The following NPSR1 variants were observed in gnomAD, a reference collection of about 807,000 sequenced individuals.
The protein encoded by NPSR1 is neuropeptide S receptor 1.
In NPSR1, 48 loss-of-function variants were observed where a neutral mutation model predicts 46.9. The observed-to-expected ratio is 1.02, with a 90% CI of 0.81 to 1.30. The LOEUF is 1.30. Ranked by LOEUF, NPSR1 falls within the 50% of genes most tolerant of loss-of-function variation. NPSR1 has a pLI of 0.00. For synonymous variants in NPSR1, 176 were observed against 168.1 expected, an observed-to-expected ratio of 1.05 and a Z score of -0.36; for missense variants, 450 against 449.5, an observed-to-expected ratio of 1.00 and a Z score of -0.01.
intron 2 of NPSR1, among the ~76,000 whole-genome samples, chr7:34,715,164 G>A (rs924727042): frequency 6.6e-5 from 10 of 152,120 alleles, no homozygotes; most frequent in Non-Finnish European, 1.0e-4. Flanking sequence ...GAGATATGAC[G>A]GCCTCATAAT....
intron 2 of NPSR1, among the ~76,000 whole-genome samples, chr7:34,749,848 A>AT (rs1472383576): frequency 1.3e-5 from 2 of 152,224 alleles, no homozygotes; most frequent in Non-Finnish European, 2.9e-5. Context: ...ACTTAATTAA[A>AT]TCTTTTAAGA....
chr7:34,778,623 T>A (rs1787089768), intron 3 of NPSR1, 58 bp downstream of exon 3: 2 of 1,103,980 alleles, frequency 1.8e-6, no homozygotes, highest in Non-Finnish European at 2.8e-6. Flanking sequence ...AGCTTTTAGA[T>A]TTATCTAAGG....
chr7:34,659,968 C>CT (rs1233548433), intron 1 of NPSR1, among the ~76,000 whole-genome samples: 1 of 152,136 alleles, frequency 6.6e-6, no homozygotes, highest in African/African-American at 2.4e-5. Flanking sequence ...ATAAAATCAG[C>CT]AATAAGGTGG....
At chr7:34,796,426 C>A (rs1278024744) in intron 3 of NPSR1, among the ~76,000 whole-genome samples, 24 of 152,076 alleles carry the variant, frequency 1.6e-4, no homozygotes, top group Non-Finnish European at 1.5e-5. Flanking sequence ...TTGCAAAAGG[C>A]ATACCTGATA....
rs902799347 is a variant in NPSR1, at chr7:34,787,861, T to G, written c.384+9296T>G. Among the ~76,000 whole-genome samples the G allele has an allele frequency of 2.6e-5, 4 of 152,014 alleles. No homozygotes were observed. In the South Asian group the frequency reaches 8.3e-4, roughly 32 times the overall value. The stretch of plus-strand genomic sequence containing the variant: ...ACAATTACAATAGTATCATCAAACA[T>G]CACTTGATCACAGATAGCCTTAATG... On this transcript the variant is annotated intron_variant, in intron 3 of 8. Coordinates refer to ENST00000360581, the MANE Select transcript of NPSR1 (RefSeq NM_207172.2).
intron 2 of NPSR1, among the ~76,000 whole-genome samples, chr7:34,745,972 T>C (rs887092721): frequency 1.3e-5 from 2 of 152,168 alleles, no homozygotes; most frequent in African/African-American, 4.8e-5. Context: ...AAAAGACAAA[T>C]ACAGTCTTAG....
intron 3 of NPSR1, among the ~76,000 whole-genome samples, chr7:34,794,493 G>C (rs1202245488): frequency 6.6e-6 from 1 of 152,046 alleles, no homozygotes. Context: ...CTCATACAGG[G>C]AGAAATAGGC....
chr7:34,870,887 GATGGATGGATGGATGA>G (rs1399768172), intron 8 of NPSR1, among the ~76,000 whole-genome samples: 1 of 150,482 alleles, frequency 6.6e-6, no homozygotes, highest in East Asian at 2.0e-4. Context: ...TGGATGGATG[GATGGATGGATGGATGA>G]ATGGATGGAT....
chr7:34,663,811 G>GA (rs1272006238), intron 1 of NPSR1, among the ~76,000 whole-genome samples: 1 of 152,098 alleles, frequency 6.6e-6, no homozygotes. Flanking sequence ...TCTTGCAACA[G>GA]AAAAAACCCA....
chr7:34,722,093 C>T (rs991165042), intron 2 of NPSR1, among the ~76,000 whole-genome samples: 4 of 151,738 alleles, frequency 2.6e-5, no homozygotes, highest in Admixed American at 6.6e-5. Context: ...AAAGATGGAA[C>T]GGTTTCATTA....
At chr7:34,683,610 C>T (rs374280244) in intron 1 of NPSR1, among the ~76,000 whole-genome samples, 1 of 151,994 alleles carries the variant, frequency 6.6e-6, no homozygotes, top group South Asian at 2.1e-4. Context: ...TCTACAGTGC[C>T]AGGGTCTGGG....
At chr7:34,792,699 A>ATATTTATATATATT (rs1787971426) in intron 3 of NPSR1, among the ~76,000 whole-genome samples, 1 of 88,934 alleles carries the variant, frequency 1.1e-5, no homozygotes, top group Non-Finnish European at 2.4e-5. Context: ...GTATATATAT[A>ATATTTATATATATT]CGTATATATA....
chr7:34,817,677 CT>C (rs1789311434), intron 4 of NPSR1, among the ~76,000 whole-genome samples: 1 of 149,830 alleles, frequency 6.7e-6, no homozygotes. Context: ...CAATAAAGTA[CT>C]GGCAAACTGA....
intron 2 of NPSR1, chr7:34,710,711 A>G (rs1341125117): frequency 9.3e-6 from 3 of 322,082 alleles, no homozygotes; most frequent in South Asian, 5.5e-5. Flanking sequence ...ATTGGGGTCT[A>G]GTGATTCTCA....
intron 4 of NPSR1, among the ~76,000 whole-genome samples, chr7:34,823,157 G>A (rs1226305786): frequency 6.6e-6 from 1 of 152,082 alleles, no homozygotes; most frequent in African/African-American, 2.4e-5. Context: ...TCGGGAGGCT[G>A]AGGTGGGTGG....
chr7:34,681,679 C>T (rs1423085664), intron 1 of NPSR1, among the ~76,000 whole-genome samples: 4 of 152,118 alleles, frequency 2.6e-5, no homozygotes, highest in Non-Finnish European at 5.9e-5. Flanking sequence ...ATATAGGTGA[C>T]CCACTAGAGC....
At chr7:34,670,100 G>A (rs1463521032) in intron 1 of NPSR1, among the ~76,000 whole-genome samples, 2 of 152,136 alleles carry the variant, frequency 1.3e-5, no homozygotes, top group Non-Finnish European at 2.9e-5. Flanking sequence ...CAATGTGATT[G>A]TTTTAAATTG....
At chr7:34,685,782 C>T (rs1489230351) in intron 2 of NPSR1, 3 of 355,702 alleles carry the variant, frequency 8.4e-6, no homozygotes. Flanking sequence ...AGCTGGGCTG[C>T]AGTGGCCAGG....
At chr7:34,728,266 G>A (rs1784257488) in intron 2 of NPSR1, among the ~76,000 whole-genome samples, 1 of 152,116 alleles carries the variant, frequency 6.6e-6, no homozygotes. Flanking sequence ...AGGTGTACAA[G>A]GTGCCAGTTA....
Sources: gnomAD v4.1 joint callset for allele counts (sites outside exome capture counted in the v4.1 genomes callset) on GRCh38, gnomAD v4.1.1 for gene constraint, MANE v1.5 for transcripts, NCBI Gene and HGNC (gene_info 2026-07-23, HGNC 2026-07-21) for gene names.